SUGT1: variants seen among roughly 807,000 people sequenced by gnomAD.
The protein encoded by SUGT1 is SGT1 assembly cochaperone of MIS12 kinetochore complex.
Under a neutral mutation model 56.1 loss-of-function variants are expected in SUGT1, and 15 were observed. The observed-to-expected ratio is 0.27, with a 90% confidence interval of 0.18 to 0.41. SUGT1 has a LOEUF of 0.41. Ranked by LOEUF, SUGT1 falls within the 10% of genes least tolerant of loss-of-function variation. SUGT1 has a pLI of 1.00. For synonymous variants in SUGT1, 123 were observed against 128.6 expected, an observed-to-expected ratio of 0.96 and a Z score of 0.30; for missense variants, 347 against 382.2, an observed-to-expected ratio of 0.91 and a Z score of 0.77.
At chr13:52,659,703 C>T (rs1050282401) in intron 5 of SUGT1, among the ~76,000 whole-genome samples, 8 of 144,626 alleles carry the variant, frequency 5.5e-5, no homozygotes, top group African/African-American at 2.1e-4. Flanking sequence ...AGTATTGTGA[C>T]TTTTAATGTT....
At chr13:52,654,194 A>G (rs1962053476) in intron 2 of SUGT1, among the ~76,000 whole-genome samples, 1 of 152,178 alleles carries the variant, frequency 6.6e-6, no homozygotes, top group Admixed American at 6.5e-5. Flanking sequence ...TGTTTTTTAC[A>G]CCTAAATATA....
chr13:52,692,630 TGAA>T lies in SUGT1; in HGVS notation c.*4796_*4798del. On this transcript the variant is annotated 3_prime_UTR_variant, in exon 13 of 13. Coordinates refer to ENST00000310528, the MANE Select transcript of SUGT1 (RefSeq NM_006704.5). ...TTCACCATGTTGGTCAGGCTGGTCTTGAACTCCTGACCTCATGATCCGCCCACC... is the reference window on the plus strand; with the variant it reads ...TTCACCATGTTGGTCAGGCTGGTCTTCTCCTGACCTCATGATCCGCCCACC... 1 of 152,258 alleles carries T rather than the reference TGAA, an allele frequency of 6.6e-6. No individual in the cohort carries two copies. Among genetic ancestry groups the T allele is most frequent in the Non-Finnish European group, 1.5e-5 (1 of 68,118 alleles). 9.4% of individuals were successfully genotyped at this position (152,258 alleles called of 1,614,324 possible). A position where few individuals can be genotyped will look rare whatever the true frequency, so the allele number is the denominator to read the frequency against.
chr13:52,682,272 C>T (rs1963407504), intron 12 of SUGT1, among the ~76,000 whole-genome samples: 1 of 152,160 alleles, frequency 6.6e-6, no homozygotes. Flanking sequence ...AGTCACAGTT[C>T]ACTGTAACCT....
In SUGT1 at chr13:52,700,480, A is replaced by T. The variant is rs776576682; in HGVS notation, c.*12645A>T. On this transcript the variant is annotated 3_prime_UTR_variant, in exon 13 of 13. Transcript: ENST00000310528. ...ACACTAAACCTGTTTTGTAAATTTG[A>T]TGCTAGTATTATACTGGACTTTCTC... 6.6e-6 allele frequency: 1 copy of T among 152,170 alleles called. No individual in the cohort carries two copies. The highest frequency in any genetic ancestry group is 1.5e-5 in the Non-Finnish European group (1 of 68,016). The allele number at this position is 152,170 out of a possible 1,614,324, so 9.4% of individuals were successfully genotyped here.
In SUGT1 at chr13:52,657,522, G is replaced by A. The variant is rs1416074526; in HGVS notation, c.97-10G>A. 6.2e-7 allele frequency: 1 copy of A among 1,611,524 alleles called. No individual in the cohort carries two copies. Among genetic ancestry groups the A allele is most frequent in the African/African-American group, 1.3e-5 (1 of 74,818 alleles). On this transcript the variant is annotated splice_polypyrimidine_tract_variant and intron_variant, in intron 2 of 12. Coordinates refer to ENST00000310528, the MANE Select transcript of SUGT1 (RefSeq NM_006704.5). ...ACTTTTACTGACGCTCCACATGTTT[G>A]TTTTTGTAGGAGCTGACTAAGGCTT... is the stretch of plus-strand genomic sequence containing the variant.
At position 52,653,083 on chromosome 13, in the gene SUGT1, G is replaced by A. The variant is rs1035723469; in HGVS notation, c.76G>A (p.Asp26Asn). The change falls in exon 2 of 13, where the codon GAC (aspartate) becomes AAC (asparagine). Residue 26 changes from aspartate (D) to asparagine (N), a missense_variant. Transcript: ENST00000310528. ...CTTCTCGGATGCCCTAATCGACGAG[G>A]ACCCCCAGGCGGCGTTAGAGGTGAG... ...QSFSDALIDE[D>N]PQAALEELTK... The A allele has an allele frequency of 1.2e-6, 2 of 1,614,102 alleles. No individual in the cohort carries two copies. Among genetic ancestry groups the A allele is most frequent in the African/African-American group, 2.7e-5 (2 of 75,006 alleles).
intron 4 of SUGT1, among the ~76,000 whole-genome samples, chr13:52,658,756 T>TCC (rs1491351738): frequency 7.2e-5 from 8 of 111,650 alleles, no homozygotes; most frequent in African/African-American, 3.9e-5. Flanking sequence ...TTTTTTTTTT[T>TCC]CAATCTTTTG....
rs1963747635 is a variant in SUGT1 at position 52,690,550 on chromosome 13, T to C, written c.*2715T>C. The C allele has an allele frequency of 6.6e-6, 1 of 152,222 alleles. No individual in the cohort carries two copies. Among genetic ancestry groups the C allele is most frequent in the Admixed American group, 6.5e-5 (1 of 15,278 alleles). The allele number at this position is 152,222 out of a possible 1,614,324, so 9.4% of individuals were successfully genotyped here. A position where few individuals can be genotyped will look rare whatever the true frequency, so the allele number is the denominator to read the frequency against. Reference sequence around the variant, plus strand: ...TAGACTTCATCTCTTCTGATTTCCATAATAATTTGCACCTTGATGAATCCA... The same window carrying C: ...TAGACTTCATCTCTTCTGATTTCCACAATAATTTGCACCTTGATGAATCCA... On this transcript the variant is annotated 3_prime_UTR_variant, in exon 13 of 13. Transcript: ENST00000310528.
At chr13:52,674,118 G>A (rs1478732761) in intron 10 of SUGT1, among the ~76,000 whole-genome samples, 2 of 137,064 alleles carry the variant, frequency 1.5e-5, no homozygotes, top group African/African-American at 2.7e-5. Flanking sequence ...GCAGTGGCAC[G>A]ATCTTGGCTC....
At position 52,694,163 on chromosome 13, in the gene SUGT1, C is replaced by T. The variant is rs1443508884; in HGVS notation, c.*6328C>T. On this transcript the variant is annotated 3_prime_UTR_variant, in exon 13 of 13. Coordinates refer to ENST00000310528, the MANE Select transcript of SUGT1 (RefSeq NM_006704.5). Reference sequence around the variant, plus strand: ...AAATCCAAAATTCTGACTTCAAAAACTCATCTGAGGGTTTTGGAATTGTGT... The same window carrying T: ...AAATCCAAAATTCTGACTTCAAAAATTCATCTGAGGGTTTTGGAATTGTGT... 6.6e-6 allele frequency: 1 copy of T among 152,186 alleles called. No individual in the cohort carries two copies. Among genetic ancestry groups the T allele is most frequent in the Non-Finnish European group, 1.5e-5 (1 of 68,034 alleles). 9.4% of individuals were successfully genotyped at this position (152,186 alleles called of 1,614,324 possible).
At chr13:52,660,368 A>G (rs1246122936) in intron 5 of SUGT1, among the ~76,000 whole-genome samples, 1 of 152,166 alleles carries the variant, frequency 6.6e-6, no homozygotes, top group African/African-American at 2.4e-5. Context: ...TGTGCTACTG[A>G]CATCTAATGA....
chr13:52,678,369 A>G (rs551437217), intron 11 of SUGT1, among the ~76,000 whole-genome samples: 1 of 152,328 alleles, frequency 6.6e-6, no homozygotes, highest in Non-Finnish European at 1.5e-5. Context: ...AAGTGAAGAG[A>G]AAGCGTAGAA....
intron 10 of SUGT1, among the ~76,000 whole-genome samples, chr13:52,673,199 T>C (rs1316783604): frequency 1.3e-5 from 2 of 151,996 alleles, no homozygotes; most frequent in Non-Finnish European, 2.9e-5. Flanking sequence ...GTGAATTAAA[T>C]GTAAAAAGGA....
intron 12 of SUGT1, among the ~76,000 whole-genome samples, chr13:52,686,702 G>A (rs191410318): frequency 6.6e-6 from 1 of 152,258 alleles, no homozygotes. Context: ...ATTTTTAAAT[G>A]TTTATATTGT....
Position 52,690,853 on chromosome 13 carries a change from TA to T in SUGT1, c.*3023del, listed in dbSNP as rs1963755141. On this transcript the variant is annotated 3_prime_UTR_variant, in exon 13 of 13. Coordinates refer to ENST00000310528, the MANE Select transcript of SUGT1 (RefSeq NM_006704.5). The stretch of plus-strand genomic sequence containing the variant: ...GGCTTGCATTAATAACTCTAGTTTT[TA>T]AAAACATTTTTATTCCTTTTTTAAA... 6.6e-6 allele frequency: 1 copy of T among 152,240 alleles called. No homozygotes were observed. Among genetic ancestry groups the T allele is most frequent in the Non-Finnish European group, 1.5e-5 (1 of 68,058 alleles). 9.4% of individuals were successfully genotyped at this position (152,240 alleles called of 1,614,324 possible). A position where few individuals can be genotyped will look rare whatever the true frequency, so the allele number is the denominator to read the frequency against.
At chr13:52,656,300 T>C (rs1962166134) in intron 2 of SUGT1, among the ~76,000 whole-genome samples, 1 of 152,252 alleles carries the variant, frequency 6.6e-6, no homozygotes, top group African/African-American at 2.4e-5. Context: ...TTATCCCACA[T>C]GTTCACCCAT....
At chr13:52,658,021 A>C in intron 3 of SUGT1, 1 of 1,072,268 alleles carries the variant, frequency 9.3e-7, no homozygotes, top group Non-Finnish European at 1.2e-6. Context: ...CAGGAGTTCA[A>C]GACCAGCCTG....
At chr13:52,670,988 G>A (rs1962913630) in intron 10 of SUGT1, among the ~76,000 whole-genome samples, 1 of 152,008 alleles carries the variant, frequency 6.6e-6, no homozygotes, top group African/African-American at 2.4e-5. Flanking sequence ...AAACAAAATA[G>A]CCTCCTTTTC....
rs1963134420 is a variant in SUGT1 at position 52,676,159 on chromosome 13, A to C, written c.628-71A>C. 3.8e-6 allele frequency: 5 copies of C among 1,300,476 alleles called. No individual in the cohort carries two copies. The South Asian group carries it at 7.3e-5, about 19-fold the overall frequency. 80.6% of individuals were successfully genotyped at this position (1,300,476 alleles called of 1,614,324 possible). ...TTCTTAACAAAACTTTGATGACTTAAGAAAACTGCATTTTTTACTGTTTTG... is the reference window on the plus strand; with the variant it reads ...TTCTTAACAAAACTTTGATGACTTACGAAAACTGCATTTTTTACTGTTTTG... On this transcript the variant is annotated intron_variant, in intron 10 of 12. Coordinates refer to ENST00000310528, the MANE Select transcript of SUGT1 (RefSeq NM_006704.5).
Sources: allele counts gnomAD v4.1 joint callset (sites outside exome capture counted in the v4.1 genomes callset), GRCh38; gene constraint gnomAD v4.1.1; transcripts MANE v1.5; gene names NCBI Gene and HGNC (gene_info 2026-07-23, HGNC 2026-07-21).